The following LSAMP variants were observed in gnomAD, a reference collection of about 807,000 sequenced individuals.
LSAMP encodes the protein limbic system-associated membrane protein.
Under a neutral mutation model 38.6 loss-of-function variants are expected in LSAMP, and 7 were observed. The observed-to-expected ratio is 0.18, with a 90% confidence interval of 0.10 to 0.34. The LOEUF (loss-of-function observed/expected upper bound fraction) is 0.34, where lower values mean the gene tolerates loss of function less well. Among genes scored for constraint, LSAMP ranks in the 10% least tolerant of loss-of-function variants. The pLI is 1.00. For synonymous variants in LSAMP, 154 were observed against 166.8 expected, an observed-to-expected ratio of 0.92 and a Z score of 0.59; for missense variants, 313 against 420.0, an observed-to-expected ratio of 0.75 and a Z score of 2.23.
At chr3:116,412,442 C>G (rs912763748) in intron 1 of LSAMP, among the ~76,000 whole-genome samples, 3 of 152,064 alleles carry the variant, frequency 2.0e-5, no homozygotes, top group Non-Finnish European at 4.4e-5. Context: ...TCTCTGATCA[C>G]TCACTTGAAC....
chr3:116,374,461 C>G (rs1169731888), intron 1 of LSAMP, among the ~76,000 whole-genome samples: 2 of 151,788 alleles, frequency 1.3e-5, no homozygotes, highest in African/African-American at 2.4e-5. Context: ...ATTATGACAA[C>G]ATTAACTGCA....
chr3:115,850,913 T>C (rs1276046034), intron 4 of LSAMP, among the ~76,000 whole-genome samples: 6 of 152,154 alleles, frequency 3.9e-5, no homozygotes, highest in Non-Finnish European at 7.3e-5. Flanking sequence ...CTAATGATGC[T>C]TATCTCATAG....
In LSAMP at chr3:116,196,110, C is replaced by T. The variant is rs145541204; in HGVS notation, c.156-109554G>A. ...GGGTCAGTGCCCTTCACCTCATCTT[C>T]TCATTGATCATCCGAGGACTTTCAG... On this transcript the variant is annotated intron_variant, in intron 1 of 6. Transcript: ENST00000490035. Among the ~76,000 whole-genome samples the T allele has an allele frequency of 1.3e-4, 20 of 152,248 alleles. No individual in the cohort carries two copies. In the East Asian group the frequency reaches 3.9e-3, roughly 29 times the overall value.
intron 1 of LSAMP, among the ~76,000 whole-genome samples, chr3:116,325,152 T>TAATATATATATTATTTCAACA (rs2047753573): frequency 6.6e-6 from 1 of 151,330 alleles, no homozygotes; most frequent in African/African-American, 2.4e-5. Context: ...ATACTAGAGA[T>TAATATATATATTATTTCAACA]GAGGTCTCAC....
chr3:115,922,177 C>A (rs1937397553), intron 3 of LSAMP, among the ~76,000 whole-genome samples: 1 of 152,108 alleles, frequency 6.6e-6, no homozygotes, highest in African/African-American at 2.4e-5. Flanking sequence ...CTTTTTGCTT[C>A]CTTCTCTCCT....
chr3:116,308,363 A>T (rs1218571013), intron 1 of LSAMP, among the ~76,000 whole-genome samples: 1 of 152,014 alleles, frequency 6.6e-6, no homozygotes, highest in Non-Finnish European at 1.5e-5. Flanking sequence ...GAGTCCTCAA[A>T]ATTAGAGGGC....
chr3:116,030,190 G>A (rs1199112282), intron 2 of LSAMP, among the ~76,000 whole-genome samples: 3 of 152,072 alleles, frequency 2.0e-5, no homozygotes, highest in African/African-American at 4.8e-5. Flanking sequence ...AAATGTTCAC[G>A]ATCACCTCAG....
At chr3:115,934,907 A>G (rs16824296) in intron 3 of LSAMP, among the ~76,000 whole-genome samples, 1,943 of 152,284 alleles carry the variant, frequency 0.013, 30 homozygotes, top group Non-Finnish European at 0.02. Flanking sequence ...GGAAGATTTT[A>G]AAAACACTGT....
At chr3:115,993,827 C>G (rs1939741000) in intron 3 of LSAMP, among the ~76,000 whole-genome samples, 1 of 151,904 alleles carries the variant, frequency 6.6e-6, no homozygotes, top group Admixed American at 6.6e-5. Flanking sequence ...TTATTACTGA[C>G]AAGTGGATGA....
intron 2 of LSAMP, among the ~76,000 whole-genome samples, chr3:116,065,758 CTCTG>C (rs1480217404): frequency 1.3e-5 from 2 of 152,156 alleles, no homozygotes; most frequent in South Asian, 2.1e-4. Context: ...TATATTCCTC[CTCTG>C]TCTAAGGAAG....
intron 3 of LSAMP, among the ~76,000 whole-genome samples, chr3:116,009,962 G>A (rs1207056737): frequency 2.0e-5 from 3 of 152,110 alleles, no homozygotes; most frequent in African/African-American, 7.2e-5. Context: ...TGCCACCCAG[G>A]CTGGAGTGCA....
chr3:116,232,099 T>G (rs2046407939), intron 1 of LSAMP, among the ~76,000 whole-genome samples: 1 of 152,232 alleles, frequency 6.6e-6, no homozygotes, highest in Admixed American at 6.5e-5. Flanking sequence ...GGCTCTAGTC[T>G]TGGTGCATGA....
At chr3:116,295,754 C>A (rs771439606) in intron 1 of LSAMP, among the ~76,000 whole-genome samples, 12 of 152,074 alleles carry the variant, frequency 7.9e-5, no homozygotes, top group Admixed American at 2.6e-4. Flanking sequence ...ATGTATTGAC[C>A]CTCCAAGTCC....
intron 3 of LSAMP, among the ~76,000 whole-genome samples, chr3:115,931,366 T>C (rs1937578286): frequency 6.6e-6 from 1 of 152,232 alleles, no homozygotes; most frequent in Non-Finnish European, 1.5e-5. Context: ...AGAAAGACTT[T>C]CTTTGCCTGC....
In LSAMP at chr3:116,194,537, G is replaced by A. The variant is rs191660072; in HGVS notation, c.156-107981C>T. 1.3e-3 allele frequency among the ~76,000 whole-genome samples: 201 copies of A among 152,296 alleles called. 1 individual carries two copies. The highest frequency in any genetic ancestry group is 4.7e-3 in the African/African-American group (195 of 41,576). ...AGCCTCCCGAGTAGCTGGGACTGCA[G>A]GAGCCCGCCACCACGCCCAGCTAAT... On this transcript the variant is annotated intron_variant, in intron 1 of 6. Coordinates refer to ENST00000490035, the MANE Select transcript of LSAMP (RefSeq NM_002338.5).
At chr3:116,427,229 T>C (rs2049211231) in intron 1 of LSAMP, among the ~76,000 whole-genome samples, 1 of 149,300 alleles carries the variant, frequency 6.7e-6, no homozygotes, top group African/African-American at 2.5e-5. Flanking sequence ...CACGCCATTC[T>C]CCTGCCTCAG....
chr3:115,864,665 C>T (rs563364706), intron 3 of LSAMP, among the ~76,000 whole-genome samples: 3 of 152,252 alleles, frequency 2.0e-5, no homozygotes, highest in East Asian at 1.9e-4. Flanking sequence ...CTTCCTTTCT[C>T]GTGGGGAACT....
chr3:116,369,663 C>T (rs890821041), intron 1 of LSAMP, among the ~76,000 whole-genome samples: 1 of 152,156 alleles, frequency 6.6e-6, no homozygotes, highest in African/African-American at 2.4e-5. Context: ...AATTACGTCT[C>T]TCCCAAAAAA....
At chr3:116,286,891 TA>T (rs79705073) in intron 1 of LSAMP, among the ~76,000 whole-genome samples, 1,552 of 133,686 alleles carry the variant, frequency 0.012, 8 homozygotes, top group Non-Finnish European at 0.013. Context: ...TCTCTCAAGT[TA>T]AAAAAAAAAA....
Sources: gnomAD v4.1 joint callset for allele counts (sites outside exome capture counted in the v4.1 genomes callset) on GRCh38, gnomAD v4.1.1 for gene constraint, MANE v1.5 for transcripts, NCBI Gene and HGNC (gene_info 2026-07-23, HGNC 2026-07-21) for gene names.